The following DEPTOR variants were observed in gnomAD, a reference collection of about 807,000 sequenced individuals.
DEPTOR encodes DEP domain containing MTOR interacting protein.
Under a neutral mutation model 41.6 loss-of-function variants are expected in DEPTOR, and 41 were observed. The observed-to-expected ratio is 0.98, with a 90% confidence interval of 0.77 to 1.28. The LOEUF (loss-of-function observed/expected upper bound fraction) is 1.28, where lower values mean the gene tolerates loss of function less well. Among genes scored for constraint, DEPTOR ranks in the 50% most tolerant of loss-of-function variants. DEPTOR has a pLI of 0.00. For missense variants in DEPTOR, 514 were observed against 527.9 expected, an observed-to-expected ratio of 0.97 and a Z score of 0.26; for synonymous variants, 195 against 192.3, an observed-to-expected ratio of 1.01 and a Z score of -0.12.
chr8:119,953,276 A>G (rs570630446), intron 3 of DEPTOR, among the ~76,000 whole-genome samples: 1 of 152,296 alleles, frequency 6.6e-6, no homozygotes. Flanking sequence ...GAAATTATGA[A>G]CAGTTGTGTA....
chr8:120,045,636 A>G (rs912799217), intron 8 of DEPTOR, among the ~76,000 whole-genome samples: 7 of 152,128 alleles, frequency 4.6e-5, no homozygotes, highest in East Asian at 1.9e-4. Flanking sequence ...TGGCCTCCCA[A>G]AGTGCTAGGA....
In DEPTOR at chr8:119,873,925, C is replaced by A. The variant is rs1324264414; in HGVS notation, c.79C>A (p.Leu27Met). The A allele has an allele frequency of 5.0e-6, 8 of 1,613,706 alleles. No individual in the cohort carries two copies. Among genetic ancestry groups the A allele is most frequent in the Non-Finnish European group, 6.8e-6 (8 of 1,179,826 alleles). ...GAGTGGCGGGGCGCAGCAAAGGGAG[C>A]TGGAGCGCATGGCTGAGGTCTTGGT... ...SGSGGAQQRE[L>M]ERMAEVLVTG... Residue 27 changes from leucine to methionine, a missense_variant, in exon 1 of 9, where the codon CTG becomes ATG. Physicochemically the swap from Leu to Met is conservative, Grantham distance 15. Transcript: ENST00000286234.
chr8:119,999,013 C>T (rs1812309798), intron 4 of DEPTOR, among the ~76,000 whole-genome samples: 1 of 150,968 alleles, frequency 6.6e-6, no homozygotes, highest in South Asian at 2.1e-4. Flanking sequence ...TCTGTAATCC[C>T]AGCACTTTGG....
rs543287621 is a variant in DEPTOR at position 120,018,287 on chromosome 8, T to A, written c.1101+9154T>A. On this transcript the variant is annotated intron_variant, in intron 8 of 8. Transcript: ENST00000286234. ...ATCCTGAAGTGATGTTTTAAAAATA[T>A]GTAGTTATAACCGGGCGTGGTGGCT... 4.6e-5 allele frequency among the ~76,000 whole-genome samples: 7 copies of A among 152,288 alleles called. 1 individual carries two copies. In the South Asian group the frequency reaches 1.4e-3, roughly 32 times the overall value.
In DEPTOR at chr8:119,873,790, A is replaced by G; in HGVS notation, c.-57A>G. On this transcript the variant is annotated 5_prime_UTR_variant, in exon 1 of 9. Coordinates refer to ENST00000286234, the MANE Select transcript of DEPTOR (RefSeq NM_022783.4). ...GCGTCTGTGAGGGCAGACTGATCCGAGCACCCAAACCCTCGGCGGACAGCG... is the reference window on the plus strand; with the variant it reads ...GCGTCTGTGAGGGCAGACTGATCCGGGCACCCAAACCCTCGGCGGACAGCG... 7 of 1,600,990 alleles carry G rather than the reference A, an allele frequency of 4.4e-6. No individual in the cohort carries two copies. The highest frequency in any genetic ancestry group is 6.0e-6 in the Non-Finnish European group (7 of 1,173,798).
chr8:119,979,671 G>A (rs1007177674), intron 4 of DEPTOR, among the ~76,000 whole-genome samples: 6 of 138,884 alleles, frequency 4.3e-5, no homozygotes, highest in East Asian at 1.9e-4. Context: ...GAAGGCCTGC[G>A]TATCAGGGTT....
intron 8 of DEPTOR, among the ~76,000 whole-genome samples, chr8:120,012,506 AT>A (rs950618843): frequency 8.0e-5 from 12 of 150,718 alleles, no homozygotes; most frequent in South Asian, 6.4e-4. Context: ...GGCAATGGGA[AT>A]TTTTTTTTTA....
intron 4 of DEPTOR, among the ~76,000 whole-genome samples, chr8:119,965,882 A>G: frequency 6.6e-6 from 1 of 152,224 alleles, no homozygotes; most frequent in Non-Finnish European, 1.5e-5. Flanking sequence ...GAGCCTTCAT[A>G]AAAGTATCAC....
intron 1 of DEPTOR, among the ~76,000 whole-genome samples, chr8:119,923,895 T>TTTCTTTTC (rs1827930672): frequency 6.8e-6 from 1 of 147,822 alleles, no homozygotes; most frequent in African/African-American, 2.5e-5. Context: ...TTTTCTTTCT[T>TTTCTTTTC]TTTTTTTTTT....
intron 3 of DEPTOR, among the ~76,000 whole-genome samples, chr8:119,939,203 T>A (rs1380337281): frequency 1.3e-5 from 2 of 152,030 alleles, no homozygotes; most frequent in South Asian, 4.2e-4. Flanking sequence ...TGTCAAAGAG[T>A]GTGCTTGCAT....
chr8:119,925,415 AAAC>A (rs1027872972), intron 1 of DEPTOR, among the ~76,000 whole-genome samples: 2 of 151,942 alleles, frequency 1.3e-5, no homozygotes, highest in African/African-American at 4.8e-5. Flanking sequence ...AAAATAATAA[AAAC>A]AACAACAACG....
At chr8:120,001,190 G>C (rs529176307) in intron 4 of DEPTOR, among the ~76,000 whole-genome samples, 21 of 152,236 alleles carry the variant, frequency 1.4e-4, no homozygotes, top group African/African-American at 5.1e-4. Context: ...AGAGTTTAGA[G>C]GGAAAGAGAA....
At chr8:119,958,969 T>C (rs1563976177) in intron 3 of DEPTOR, among the ~76,000 whole-genome samples, 1 of 152,070 alleles carries the variant, frequency 6.6e-6, no homozygotes, top group African/African-American at 2.4e-5. Context: ...TACAGTTTCC[T>C]AGAGAGTGTT....
At chr8:119,925,082 G>A (rs1044825800) in intron 1 of DEPTOR, among the ~76,000 whole-genome samples, 1 of 152,104 alleles carries the variant, frequency 6.6e-6, no homozygotes, top group Non-Finnish European at 1.5e-5. Context: ...CTTGTGCAGC[G>A]AAACTCCCAT....
At chr8:119,888,725 G>A (rs1050457607) in intron 1 of DEPTOR, among the ~76,000 whole-genome samples, 84 of 151,892 alleles carry the variant, frequency 5.5e-4, no homozygotes, top group Non-Finnish European at 1.1e-3. Context: ...GTGTGGTGGT[G>A]CACACCTGTA....
At chr8:119,908,868 A>G (rs570404215) in intron 1 of DEPTOR, among the ~76,000 whole-genome samples, 1 of 152,342 alleles carries the variant, frequency 6.6e-6, no homozygotes, top group Middle Eastern at 3.4e-3. Flanking sequence ...ATCATTGGAA[A>G]AATAAATCAG....
At chr8:119,945,062 A>G (rs538000888) in intron 3 of DEPTOR, among the ~76,000 whole-genome samples, 2 of 152,144 alleles carry the variant, frequency 1.3e-5, no homozygotes, top group East Asian at 3.9e-4. Flanking sequence ...CAGTCTCTCC[A>G]GCTGAACTAT....
intron 1 of DEPTOR, among the ~76,000 whole-genome samples, chr8:119,878,480 C>T (rs909590722): frequency 1.3e-5 from 2 of 151,450 alleles, no homozygotes; most frequent in African/African-American, 4.9e-5. Context: ...CCACCACACC[C>T]AGTTAATTTT....
intron 1 of DEPTOR, among the ~76,000 whole-genome samples, chr8:119,920,439 C>T (rs984742742): frequency 6.6e-6 from 1 of 152,130 alleles, no homozygotes; most frequent in Non-Finnish European, 1.5e-5. Flanking sequence ...AGGCTGTTTT[C>T]TGGCTTTGGA....
Sources: allele counts gnomAD v4.1 joint callset (sites outside exome capture counted in the v4.1 genomes callset), GRCh38; gene constraint gnomAD v4.1.1; transcripts MANE v1.5; gene names NCBI Gene and HGNC (gene_info 2026-07-23, HGNC 2026-07-21).